FRY: variants seen among roughly 807,000 people sequenced by gnomAD.
FRY encodes FRY microtubule binding protein.
A neutral mutation model predicts 348.4 loss-of-function variants in FRY; 128 were observed. The ratio of observed to expected loss-of-function variants is 0.37; its 90% confidence interval spans 0.32 to 0.43. The LOEUF (loss-of-function observed/expected upper bound fraction) is 0.43, where lower values mean the gene tolerates loss of function less well. Among genes scored for constraint, FRY ranks in the 20% least tolerant of loss-of-function variants. FRY has a pLI of 1.00. For synonymous variants in FRY, 1,370 were observed against 1,374.7 expected (o/e 1.00, Z 0.08); for missense variants, 2,736 against 3,695.2 (o/e 0.74, Z 6.73).
chr13:32,108,610 T>C (rs968354443), intron 3 of FRY, among the ~76,000 whole-genome samples: 2 of 152,168 alleles, frequency 1.3e-5, no homozygotes, highest in Admixed American at 6.5e-5. Flanking sequence ...AACAGACACA[T>C]TTATAAATCA....
At chr13:32,217,993 A>G (rs1018431782) in intron 35 of FRY, among the ~76,000 whole-genome samples, 1 of 152,108 alleles carries the variant, frequency 6.6e-6, no homozygotes, top group Admixed American at 6.5e-5. Flanking sequence ...TTTAAGAGAA[A>G]CTTTAATTCT....
intron 3 of FRY, among the ~76,000 whole-genome samples, chr13:32,102,817 A>G (rs1877252116): frequency 1.3e-5 from 2 of 152,212 alleles, no homozygotes; most frequent in Admixed American, 6.5e-5. Flanking sequence ...TTTTGCAGTT[A>G]ATGACAAAAA....
At chr13:32,128,663 G>A (rs1302200687) in intron 7 of FRY, among the ~76,000 whole-genome samples, 19 of 152,152 alleles carry the variant, frequency 1.2e-4, no homozygotes, top group Non-Finnish European at 2.1e-4. Context: ...TTCTTTATTT[G>A]TTAATTGGAA....
chr13:32,176,022 C>T (rs1441576698), intron 20 of FRY, among the ~76,000 whole-genome samples: 2 of 152,026 alleles, frequency 1.3e-5, no homozygotes, highest in East Asian at 1.9e-4. Flanking sequence ...ATTTATTATT[C>T]GATTTGATTC....
chr13:32,057,325 C>T (rs1873688480), intron 1 of FRY, among the ~76,000 whole-genome samples: 2 of 152,014 alleles, frequency 1.3e-5, no homozygotes, highest in South Asian at 2.1e-4. Context: ...GCACGTGCCA[C>T]CACACCTAGC....
chr13:32,086,625 G>T (rs567063597), intron 2 of FRY, among the ~76,000 whole-genome samples: 6 of 151,874 alleles, frequency 4.0e-5, no homozygotes, highest in African/African-American at 1.5e-4. Context: ...AAATGTCATC[G>T]GGAAGAAGAA....
intron 47 of FRY, among the ~76,000 whole-genome samples, chr13:32,245,455 A>T (rs190961788): frequency 3.9e-5 from 6 of 152,178 alleles, no homozygotes; most frequent in Admixed American, 2.0e-4. Context: ...AATAAAAAAA[A>T]TTTTAAAAAT....
In FRY at chr13:32,143,476, A is replaced by C. The variant is rs377575231; in HGVS notation, c.1180-3806A>C. ...ATTAGTCACAATAAGATGCTAGAAA[A>C]ATGGTAGACAGGAGGGACAGGACAA... On this transcript the variant is annotated intron_variant, in intron 11 of 60. Coordinates refer to ENST00000542859, the MANE Select transcript of FRY (RefSeq NM_023037.3). 2.8e-4 allele frequency among the ~76,000 whole-genome samples: 42 copies of C among 152,326 alleles called. 1 individual carries two copies. Among genetic ancestry groups the C allele is most frequent in the East Asian group, 2.5e-3 (13 of 5,192 alleles).
intron 13 of FRY, 102 bp downstream of exon 13, chr13:32,148,049 T>G: frequency 1.3e-6 from 1 of 766,834 alleles, no homozygotes; most frequent in Non-Finnish European, 2.4e-6. Context: ...AATTAGCATC[T>G]TACGTGTTTA....
At chr13:32,163,355 C>T (rs1881557141) in intron 17 of FRY, among the ~76,000 whole-genome samples, 1 of 152,152 alleles carries the variant, frequency 6.6e-6, no homozygotes, top group Non-Finnish European at 1.5e-5. Context: ...TTCCTTCATT[C>T]CTTTGCCATT....
intron 1 of FRY, among the ~76,000 whole-genome samples, chr13:32,066,851 AC>A (rs1399004489): frequency 6.6e-6 from 1 of 152,162 alleles, no homozygotes; most frequent in African/African-American, 2.4e-5. Context: ...GTATTTTAAA[AC>A]CTACATTTTT....
intron 1 of FRY, among the ~76,000 whole-genome samples, chr13:32,055,447 C>T (rs1873572972): frequency 6.6e-6 from 1 of 152,192 alleles, no homozygotes; most frequent in African/African-American, 2.4e-5. Context: ...CAAGGGCCAT[C>T]AGTAGCTTCC....
chr13:32,182,977 A>C lies in FRY; in HGVS notation c.2997A>C (p.Arg999Ser). 1 of 1,596,088 alleles carries C rather than the reference A, an allele frequency of 6.3e-7. No individual in the cohort carries two copies. Among genetic ancestry groups the C allele is most frequent in the Non-Finnish European group, 8.6e-7 (1 of 1,164,212 alleles). Reference protein sequence around the residue: ...GFGRTNSLVFRELVEELHPLM... With the variant: ...GFGRTNSLVFSELVEELHPLM... ...CAAATTTGACCTTTTTCCTCCACAG[A>C]GAATTGGTAGAAGAACTTCATCCAT... The change falls in exon 24 of 61, where the codon AGA becomes AGC. Residue 999 changes from arginine (R) to serine (S), a missense_variant and splice_region_variant. By Grantham distance (110) the Arg-to-Ser change is moderately radical. Transcript: ENST00000542859.
At chr13:32,114,882 T>C (rs1878203332) in intron 3 of FRY, among the ~76,000 whole-genome samples, 1 of 152,216 alleles carries the variant, frequency 6.6e-6, no homozygotes, top group Non-Finnish European at 1.5e-5. Flanking sequence ...GCTGTTACAT[T>C]CATGACCACA....
intron 11 of FRY, among the ~76,000 whole-genome samples, chr13:32,145,535 T>TTGTTTG (rs1555257802): frequency 7.3e-6 from 1 of 136,186 alleles, no homozygotes; most frequent in African/African-American, 2.8e-5. Flanking sequence ...TGTTTTTTTT[T>TTGTTTG]TTTTTTTTTT....
intron 28 of FRY, among the ~76,000 whole-genome samples, chr13:32,192,918 T>C (rs1324411875): frequency 1.3e-5 from 2 of 151,816 alleles, no homozygotes; most frequent in Non-Finnish European, 2.9e-5. Flanking sequence ...TAATTTTGTA[T>C]TTTTAATGGA....
At chr13:32,037,843 G>C (rs1294049618) in intron 1 of FRY, among the ~76,000 whole-genome samples, 4 of 152,148 alleles carry the variant, frequency 2.6e-5, no homozygotes, top group African/African-American at 7.2e-5. Context: ...CGTCTTATTA[G>C]TAACTTCCAT....
chr13:32,188,815 T>A (rs918232618), intron 28 of FRY, among the ~76,000 whole-genome samples: 1 of 152,134 alleles, frequency 6.6e-6, no homozygotes, highest in African/African-American at 2.4e-5. Flanking sequence ...TAATTCCATT[T>A]GTTGAAAATT....
Position 32,147,965 on chromosome 13 carries a change from G to A in FRY, c.1392+18G>A, listed in dbSNP as rs531148675. 41 of 1,328,026 alleles carry A rather than the reference G, an allele frequency of 3.1e-5. No individual in the cohort carries two copies. The highest frequency in any genetic ancestry group is 1.3e-4 in the South Asian group (11 of 85,450). The allele number at this position is 1,328,026 out of a possible 1,614,324, so 82.3% of individuals were successfully genotyped here. ...TTGCCCAGGTAATGGAGAAGATTCC[G>A]GTGGTGGGAATCTTCTGATGGTTTT... On this transcript the variant is annotated intron_variant, in intron 13 of 60. Transcript: ENST00000542859.
Sources: gnomAD v4.1 joint callset for allele counts (sites outside exome capture counted in the v4.1 genomes callset) on GRCh38, gnomAD v4.1.1 for gene constraint, MANE v1.5 for transcripts, NCBI Gene and HGNC (gene_info 2026-07-23, HGNC 2026-07-21) for gene names.